The following NLGN4X variants were observed in gnomAD, a reference collection of about 807,000 sequenced individuals.
NLGN4X encodes the protein neuroligin 4 X-linked, also known as neuroligin-4, X-linked.
In NLGN4X, 3 loss-of-function variants were observed where a neutral mutation model predicts 40.3. That is an observed-to-expected ratio of 0.07 (90% CI 0.03 to 0.19). The LOEUF (loss-of-function observed/expected upper bound fraction) is 0.19. Among genes scored for constraint, NLGN4X ranks in the 10% least tolerant of loss-of-function variants. The pLI is 1.00. For missense variants in NLGN4X, 382 were observed against 708.3 expected (o/e 0.54, Z 5.23); for synonymous variants, 270 against 306.8 (o/e 0.88, Z 1.25).
chrX:5,949,834 A>T (rs2034250045), intron 3 of NLGN4X, among the ~76,000 whole-genome samples: 2 of 111,708 alleles, frequency 1.8e-5, no homozygotes, highest in East Asian at 5.7e-4. Context: ...AAAGGGAGGC[A>T]TAGTGTATGC....
intron 1 of NLGN4X, among the ~76,000 whole-genome samples, chrX:6,219,028 A>T (rs1488811847): frequency 2.7e-5 from 1 of 37,415 alleles, no homozygotes; most frequent in Non-Finnish European, 5.2e-5. Context: ...AGTAAAATCC[A>T]TATACATCTA....
At chrX:6,060,015 G>A (rs1015498039) in intron 2 of NLGN4X, among the ~76,000 whole-genome samples, 1 of 111,490 alleles carries the variant, frequency 9.0e-6, no homozygotes, top group African/African-American at 3.3e-5. Flanking sequence ...GGATTACATA[G>A]CTGTGGTAAT....
At position 5,912,731 on chromosome X, in the gene NLGN4X, T is replaced by G. The variant is rs1000579314; in HGVS notation, c.626-3492A>C. Among the ~76,000 whole-genome samples the G allele has an allele frequency of 4.7e-5, 5 of 106,637 alleles. No individual in the cohort carries two copies. The Admixed American group carries it at 5.2e-4, about 11-fold the overall frequency. 92.6% of individuals were successfully genotyped at this position (106,637 alleles called of 115,157 possible). On this transcript the variant is annotated intron_variant, in intron 3 of 5. Coordinates refer to ENST00000381095, the MANE Select transcript of NLGN4X (RefSeq NM_181332.3). The stretch of plus-strand genomic sequence containing the variant: ...AATTAGATCTCACTATCAATCTGTC[T>G]TCTTCTTTATTCATCAGCACCTGGC...
intron 3 of NLGN4X, among the ~76,000 whole-genome samples, chrX:5,981,813 G>A (rs1204458413): frequency 1.8e-5 from 2 of 110,786 alleles, no homozygotes; most frequent in African/African-American, 3.3e-5. Flanking sequence ...CATACATTGT[G>A]TCTTATTTAT....
intron 3 of NLGN4X, among the ~76,000 whole-genome samples, chrX:6,025,423 T>G (rs1449994941): frequency 8.9e-6 from 1 of 112,015 alleles, no homozygotes. Flanking sequence ...GATGCCAATA[T>G]TTGATAGATA....
chrX:5,933,618 A>G (rs2033633851), intron 3 of NLGN4X, among the ~76,000 whole-genome samples: 2 of 112,126 alleles, frequency 1.8e-5, no homozygotes, highest in African/African-American at 6.5e-5. Context: ...TAGATAACAG[A>G]GTTTTAAATA....
intron 2 of NLGN4X, among the ~76,000 whole-genome samples, chrX:6,034,459 A>G (rs929855869): frequency 3.6e-5 from 4 of 111,935 alleles, no homozygotes; most frequent in African/African-American, 1.3e-4. Flanking sequence ...TTTGTGTACT[A>G]TTTTTTGCAT....
chrX:6,068,473 C>T (rs2037979996), intron 2 of NLGN4X, among the ~76,000 whole-genome samples: 1 of 111,411 alleles, frequency 9.0e-6, no homozygotes, highest in South Asian at 3.8e-4. Flanking sequence ...GCCTGACGTT[C>T]CCTCCACTCC....
intron 1 of NLGN4X, among the ~76,000 whole-genome samples, chrX:6,165,688 T>G (rs2040481554): frequency 9.0e-6 from 1 of 111,581 alleles, no homozygotes; most frequent in Non-Finnish European, 1.9e-5. Context: ...GCAAAATTCC[T>G]ACTACACATG....
intron 3 of NLGN4X, among the ~76,000 whole-genome samples, chrX:5,972,318 T>C (rs2035048346): frequency 9.0e-6 from 1 of 111,363 alleles, no homozygotes; most frequent in African/African-American, 3.3e-5. Context: ...ATAAATAATT[T>C]GCAATGTGTA....
intron 3 of NLGN4X, among the ~76,000 whole-genome samples, chrX:5,988,945 G>C (rs2035602874): frequency 9.0e-6 from 1 of 110,563 alleles, no homozygotes; most frequent in Non-Finnish European, 1.9e-5. Flanking sequence ...GCACGTGCCT[G>C]TATTTCTGGC....
chrX:5,903,063 G>A lies in NLGN4X; in HGVS notation c.1601+14C>T. ...GGCAAGGATAGTGATACCCCAACAC[G>A]AAGATGAACGTACCCAGTTTTGGCG... is the stretch of plus-strand genomic sequence containing the variant. On this transcript the variant is annotated intron_variant, in intron 5 of 5. Coordinates refer to ENST00000381095, the MANE Select transcript of NLGN4X (RefSeq NM_181332.3). The A allele has an allele frequency of 2.5e-6, 3 of 1,210,938 alleles. No individual in the cohort carries two copies. The highest frequency in any genetic ancestry group is 3.4e-6 in the Non-Finnish European group (3 of 894,526).
chrX:6,218,347 C>A (rs1237210629), intron 1 of NLGN4X, among the ~76,000 whole-genome samples: 3 of 111,478 alleles, frequency 2.7e-5, no homozygotes, highest in Non-Finnish European at 5.6e-5. Context: ...GAACATGAAC[C>A]TAATTCCTAA....
intron 2 of NLGN4X, among the ~76,000 whole-genome samples, chrX:6,072,443 AT>A (rs1201548645): frequency 9.0e-6 from 1 of 111,593 alleles, no homozygotes; most frequent in Non-Finnish European, 1.9e-5. Flanking sequence ...GGGGACAGTT[AT>A]TAGATCATAT....
intron 3 of NLGN4X, among the ~76,000 whole-genome samples, chrX:5,946,705 G>A (rs1390988280): frequency 9.0e-6 from 1 of 111,194 alleles, no homozygotes; most frequent in East Asian, 2.8e-4. Context: ...TTAGGTTCAG[G>A]GGTGCATGTG....
At chrX:6,027,047 G>A (rs2036716186) in intron 3 of NLGN4X, among the ~76,000 whole-genome samples, 1 of 111,729 alleles carries the variant, frequency 9.0e-6, no homozygotes, top group Non-Finnish European at 1.9e-5. Context: ...ATATTGTGTG[G>A]TTCCAGCAAA....
chrX:6,096,135 A>G (rs2038771147), intron 2 of NLGN4X, among the ~76,000 whole-genome samples: 1 of 112,147 alleles, frequency 8.9e-6, no homozygotes, highest in African/African-American at 3.2e-5. Flanking sequence ...CAAATTCCAC[A>G]GGACACTGCA....
In NLGN4X at chrX:5,961,096, C is replaced by T. The variant is rs367913773; in HGVS notation, c.626-51857G>A. 3.6e-5 allele frequency among the ~76,000 whole-genome samples: 4 copies of T among 111,171 alleles called. No homozygotes were observed. In the South Asian group the frequency reaches 1.5e-3, roughly 42 times the overall value. ...AGGCTGGAGTGCAGTGGCGCGATCT[C>T]GGCTCACTGCAAGCTCCGCCTTCCC... is the stretch of plus-strand genomic sequence containing the variant. On this transcript the variant is annotated intron_variant, in intron 3 of 5. Transcript: ENST00000381095.
chrX:5,993,538 G>A (rs2035740960), intron 3 of NLGN4X, among the ~76,000 whole-genome samples: 1 of 111,671 alleles, frequency 9.0e-6, no homozygotes, highest in African/African-American at 3.3e-5. Context: ...GCCAAGCAGG[G>A]CACAACTGCC....
Sources: allele counts gnomAD v4.1 joint callset (sites outside exome capture counted in the v4.1 genomes callset), GRCh38; gene constraint gnomAD v4.1.1; transcripts MANE v1.5; gene names NCBI Gene and HGNC (gene_info 2026-07-23, HGNC 2026-07-21).